RAD51B: variants seen among roughly 807,000 people sequenced by gnomAD.
RAD51B encodes the protein DNA repair protein RAD51 homolog 2.
RAD51B carries 38 observed loss-of-function variants against 42.2 expected under a neutral mutation model. The observed-to-expected ratio is 0.90, with a 90% CI of 0.70 to 1.18. RAD51B has a LOEUF of 1.18. RAD51B is among the 50% of genes most tolerant of loss of function. RAD51B has a pLI of 0.00. For missense variants in RAD51B, 373 were observed against 400.7 expected (o/e 0.93, Z 0.59); for synonymous variants, 154 against 145.2 (o/e 1.06, Z -0.43).
intron 2 of RAD51B, among the ~76,000 whole-genome samples, chr14:67,824,750 G>A (rs11626769): frequency 0.29 from 44,121 of 151,478 alleles, 6,839 homozygotes; most frequent in Middle Eastern, 0.43. Flanking sequence ...TTTCAACTAC[G>A]AAATATTATC....
At chr14:68,569,768 T>C (rs930207547) in intron 10 of RAD51B, among the ~76,000 whole-genome samples, 2 of 152,186 alleles carry the variant, frequency 1.3e-5, no homozygotes, top group Admixed American at 1.3e-4. Context: ...GAACCGGGCC[T>C]GAAGCAGCCT....
At chr14:68,677,782 T>A (rs17106140) in intron 11 of RAD51B, among the ~76,000 whole-genome samples, 2 of 152,184 alleles carry the variant, frequency 1.3e-5, no homozygotes, top group Non-Finnish European at 2.9e-5. Context: ...TCAGTCCCCA[T>A]GCTACAGCCA....
chr14:68,659,941 G>T (rs1020160291), intron 11 of RAD51B, among the ~76,000 whole-genome samples: 2 of 152,250 alleles, frequency 1.3e-5, no homozygotes, highest in African/African-American at 4.8e-5. Context: ...GTGGGGGTTG[G>T]CACCTCCTAC....
chr14:67,846,233 T>C (rs939717221), intron 4 of RAD51B, among the ~76,000 whole-genome samples: 1 of 152,076 alleles, frequency 6.6e-6, no homozygotes, highest in Non-Finnish European at 1.5e-5. Context: ...TGTTGGCGCA[T>C]GGGGTAGTGC....
chr14:68,632,780 G>A (rs183810818), intron 10 of RAD51B, among the ~76,000 whole-genome samples: 46 of 151,900 alleles, frequency 3.0e-4, no homozygotes, highest in African/African-American at 1.1e-3. Context: ...TGACCAGTGG[G>A]TCTTTATGTT....
chr14:67,908,158 T>C (rs2043841047), intron 7 of RAD51B: 1 of 152,202 alleles, frequency 6.6e-6, no homozygotes, highest in African/African-American at 2.4e-5. Flanking sequence ...GAATCACCTG[T>C]GGGGCTTGTT....
intron 7 of RAD51B, among the ~76,000 whole-genome samples, chr14:67,954,480 G>A (rs867947690): frequency 5.3e-5 from 8 of 152,218 alleles, no homozygotes; most frequent in Admixed American, 5.2e-4. Context: ...CTAGTCAGTA[G>A]CATCATATGG....
At chr14:68,022,055 G>C (rs545736996) in intron 7 of RAD51B, among the ~76,000 whole-genome samples, 1 of 152,240 alleles carries the variant, frequency 6.6e-6, no homozygotes, top group South Asian at 2.1e-4. Flanking sequence ...GTACCCAATA[G>C]GTAGTTTTTC....
At chr14:68,276,337 C>T (rs918480191) in intron 7 of RAD51B, among the ~76,000 whole-genome samples, 2 of 152,210 alleles carry the variant, frequency 1.3e-5, no homozygotes, top group African/African-American at 4.8e-5. Flanking sequence ...ACCTTCCCAT[C>T]TCCTAGCTTC....
intron 7 of RAD51B, among the ~76,000 whole-genome samples, chr14:68,071,026 T>C (rs2076731974): frequency 6.6e-6 from 1 of 152,154 alleles, no homozygotes; most frequent in Non-Finnish European, 1.5e-5. Context: ...CCTAAGTATT[T>C]TGGTTTTTTT....
intron 10 of RAD51B, among the ~76,000 whole-genome samples, chr14:68,493,694 C>T (rs1182297445): frequency 6.6e-6 from 1 of 152,196 alleles, no homozygotes; most frequent in Non-Finnish European, 1.5e-5. Context: ...TCTGAGTCTC[C>T]GGTTCCCAGA....
intron 8 of RAD51B, among the ~76,000 whole-genome samples, chr14:68,375,045 T>C (rs2083338654): frequency 6.6e-6 from 1 of 151,798 alleles, no homozygotes; most frequent in Non-Finnish European, 1.5e-5. Flanking sequence ...TTTCTCCTGC[T>C]TGGAAAAACT....
chr14:68,048,795 T>C (rs543119253), intron 7 of RAD51B, among the ~76,000 whole-genome samples: 2 of 152,346 alleles, frequency 1.3e-5, no homozygotes, highest in South Asian at 2.1e-4. Context: ...TGGAAGTTGG[T>C]GTGGTGATTC....
intron 7 of RAD51B, among the ~76,000 whole-genome samples, chr14:68,156,055 G>A (rs1451802987): frequency 6.6e-6 from 1 of 152,232 alleles, no homozygotes; most frequent in African/African-American, 2.4e-5. Context: ...GGCTCAGACT[G>A]TTGAATTGGA....
intron 8 of RAD51B, among the ~76,000 whole-genome samples, chr14:68,335,312 AAG>A (rs563771625): frequency 0.092 from 12,555 of 136,576 alleles, 848 homozygotes; most frequent in African/African-American, 0.14. Flanking sequence ...AAAAAAAAAA[AAG>A]AAAAGAAAAA....
At chr14:68,458,874 A>C (rs982100822) in intron 9 of RAD51B, among the ~76,000 whole-genome samples, 5 of 152,150 alleles carry the variant, frequency 3.3e-5, no homozygotes, top group African/African-American at 1.2e-4. Context: ...TTACTTCTAC[A>C]GATCTTGCTC....
downstream of RAD51B, among the ~76,000 whole-genome samples, chr14:68,482,176 G>GT (rs1883236114): frequency 2.7e-5 from 4 of 149,802 alleles, no homozygotes; most frequent in Non-Finnish European, 3.0e-5. Context: ...ATATTTTAGG[G>GT]GTGTGTGTGT....
At chr14:68,041,986 A>G (rs1191481876) in intron 7 of RAD51B, among the ~76,000 whole-genome samples, 7 of 152,172 alleles carry the variant, frequency 4.6e-5, no homozygotes, top group Non-Finnish European at 5.9e-5. Context: ...AGTGCTGGGA[A>G]TTTGATGGTT....
intron 7 of RAD51B, among the ~76,000 whole-genome samples, chr14:68,167,809 C>T (rs1402352692): frequency 6.6e-6 from 1 of 152,096 alleles, no homozygotes; most frequent in Non-Finnish European, 1.5e-5. Flanking sequence ...ACTTATTATA[C>T]TCCCTGCCCT....
Sources: gnomAD v4.1 joint callset for allele counts (sites outside exome capture counted in the v4.1 genomes callset) on GRCh38, gnomAD v4.1.1 for gene constraint, MANE v1.5 for transcripts, NCBI Gene and HGNC (gene_info 2026-07-23, HGNC 2026-07-21) for gene names.